MRPS28: variants seen among roughly 807,000 people sequenced by gnomAD.
MRPS28 encodes the protein small ribosomal subunit protein bS1m.
MRPS28 carries 7 observed loss-of-function variants against 10.8 expected under a neutral mutation model. That is an observed-to-expected ratio of 0.65 (90% confidence interval 0.37 to 1.22). The LOEUF (loss-of-function observed/expected upper bound fraction) is 1.22. Ranked by LOEUF, MRPS28 falls within the 50% of genes most tolerant of loss-of-function variation. MRPS28 has a pLI of 0.02. For synonymous variants in MRPS28, 121 were observed against 93.3 expected (o/e 1.30, Z -1.71); for missense variants, 265 against 232.9 (o/e 1.14, Z -0.90).
chr8:79,971,570 A>G (rs944987000), intron 2 of MRPS28, among the ~76,000 whole-genome samples: 3 of 152,168 alleles, frequency 2.0e-5, no homozygotes, highest in Non-Finnish European at 4.4e-5. Context: ...CTGTCTCTAC[A>G]TACTTGACTA....
intron 2 of MRPS28, among the ~76,000 whole-genome samples, chr8:79,966,324 C>T (rs1020368929): frequency 1.3e-5 from 2 of 151,776 alleles, no homozygotes; most frequent in South Asian, 2.1e-4. Flanking sequence ...TCTAAACTTG[C>T]ATGAAAGTAG....
intron 2 of MRPS28, among the ~76,000 whole-genome samples, chr8:79,986,531 G>A (rs1446902017): frequency 2.0e-5 from 3 of 152,174 alleles, no homozygotes; most frequent in Non-Finnish European, 4.4e-5. Context: ...AAACCCCGTT[G>A]TCTCAGCCCA....
At chr8:80,015,053 T>C (rs567370309) in intron 1 of MRPS28, among the ~76,000 whole-genome samples, 3 of 152,302 alleles carry the variant, frequency 2.0e-5, no homozygotes, top group African/African-American at 7.2e-5. Flanking sequence ...AACTGGTGAA[T>C]TGGTGGATGC....
intron 2 of MRPS28, among the ~76,000 whole-genome samples, chr8:79,971,948 C>T (rs968945055): frequency 1.3e-5 from 2 of 152,148 alleles, no homozygotes; most frequent in African/African-American, 4.8e-5. Flanking sequence ...GATCTGCCCG[C>T]CTCAGCCTCC....
At chr8:80,013,547 T>C (rs1406512310) in intron 1 of MRPS28, among the ~76,000 whole-genome samples, 4 of 140,548 alleles carry the variant, frequency 2.8e-5, no homozygotes, top group African/African-American at 1.1e-4. Context: ...GGCAGGAGAA[T>C]CACTTGAACC....
chr8:79,984,402 A>C (rs6985439), intron 2 of MRPS28, among the ~76,000 whole-genome samples: 115,776 of 152,046 alleles, frequency 0.76, 44,327 homozygotes, highest in African/African-American at 0.84. Context: ...TCATAATGAC[A>C]GGATCAAATT....
chr8:79,921,255 A>T (rs1418607988), intron 2 of MRPS28, among the ~76,000 whole-genome samples: 2 of 152,056 alleles, frequency 1.3e-5, no homozygotes, highest in African/African-American at 2.4e-5. Context: ...TTGGCTTAGG[A>T]TTGACTTGGC....
chr8:79,968,238 T>C (rs1807547978), intron 2 of MRPS28, among the ~76,000 whole-genome samples: 1 of 152,160 alleles, frequency 6.6e-6, no homozygotes, highest in African/African-American at 2.4e-5. Context: ...TCAATTTCCA[T>C]AATTTCTACT....
At chr8:79,937,723 T>C (rs1308905812) in intron 2 of MRPS28, among the ~76,000 whole-genome samples, 3 of 152,230 alleles carry the variant, frequency 2.0e-5, no homozygotes, top group Non-Finnish European at 4.4e-5. Context: ...ACCACCAAAC[T>C]GGATTAGTAA....
At chr8:79,919,535 C>G (rs947999020) in intron 2 of MRPS28, among the ~76,000 whole-genome samples, 3 of 152,158 alleles carry the variant, frequency 2.0e-5, no homozygotes, top group East Asian at 1.9e-4. Context: ...CTCTATGTTG[C>G]CCAGGCCAGG....
intron 2 of MRPS28, among the ~76,000 whole-genome samples, chr8:79,991,593 G>C (rs754332530): frequency 2.0e-4 from 31 of 152,198 alleles, no homozygotes; most frequent in Non-Finnish European, 4.1e-4. Flanking sequence ...TAATATATTA[G>C]AGATGAAAAT....
chr8:79,994,722 C>T (rs1025755652), intron 2 of MRPS28, among the ~76,000 whole-genome samples: 1 of 152,136 alleles, frequency 6.6e-6, no homozygotes, highest in Non-Finnish European at 1.5e-5. Flanking sequence ...GACCCACGTT[C>T]CTTGTTACAA....
chr8:79,931,649 T>G (rs928170383), intron 2 of MRPS28, among the ~76,000 whole-genome samples: 2 of 152,164 alleles, frequency 1.3e-5, no homozygotes, highest in Non-Finnish European at 2.9e-5. Context: ...TAGTAAATCC[T>G]CAATGAAAGT....
intron 1 of MRPS28, among the ~76,000 whole-genome samples, chr8:80,021,379 G>C (rs1809361635): frequency 6.6e-6 from 1 of 152,148 alleles, no homozygotes; most frequent in Non-Finnish European, 1.5e-5. Flanking sequence ...AAAAAGTTTA[G>C]AAATCTCTGT....
chr8:79,976,099 T>C (rs1177135432), intron 2 of MRPS28, among the ~76,000 whole-genome samples: 3 of 151,666 alleles, frequency 2.0e-5, no homozygotes, highest in African/African-American at 7.3e-5. Flanking sequence ...TTTTTTTTTT[T>C]CCAGACCAAG....
At chr8:80,023,106 C>T (rs983836951) in intron 1 of MRPS28, among the ~76,000 whole-genome samples, 1 of 152,182 alleles carries the variant, frequency 6.6e-6, no homozygotes, top group Non-Finnish European at 1.5e-5. Context: ...TTCCTCTAAA[C>T]ATGCTTTGAA....
chr8:79,975,523 A>C (rs1362407791), intron 2 of MRPS28, among the ~76,000 whole-genome samples: 1 of 152,196 alleles, frequency 6.6e-6, no homozygotes, highest in African/African-American at 2.4e-5. Flanking sequence ...CAGTTACAAC[A>C]AAGAGTATAA....
intron 2 of MRPS28, among the ~76,000 whole-genome samples, chr8:79,949,363 G>A (rs1167076828): frequency 2.0e-5 from 3 of 150,334 alleles, no homozygotes; most frequent in African/African-American, 4.9e-5. Context: ...GCAGTGAGCC[G>A]AGATTGCGCC....
At chr8:79,936,900 G>A (rs1412592023) in intron 2 of MRPS28, among the ~76,000 whole-genome samples, 1 of 151,926 alleles carries the variant, frequency 6.6e-6, no homozygotes, top group African/African-American at 2.4e-5. Context: ...TCACTCTATT[G>A]CCCAGGCTGG....
Sources: allele counts gnomAD v4.1 joint callset (sites outside exome capture counted in the v4.1 genomes callset), GRCh38; gene constraint gnomAD v4.1.1; transcripts MANE v1.5; gene names NCBI Gene and HGNC (gene_info 2026-07-23, HGNC 2026-07-21).